Variants in PRRC2C observed in about 807,000 individuals in gnomAD.
PRRC2C encodes the protein proline rich coiled-coil 2C, also known as protein PRRC2C.
A neutral mutation model predicts 317.2 loss-of-function variants in PRRC2C; 72 were observed. That is an observed-to-expected ratio of 0.23 (90% CI 0.19 to 0.28). The LOEUF (loss-of-function observed/expected upper bound fraction) is 0.28, where lower values mean the gene tolerates loss of function less well. Among genes scored for constraint, PRRC2C ranks in the 10% least tolerant of loss-of-function variants. The pLI is 1.00. For missense variants in PRRC2C, 3,074 were observed against 3,459.7 expected (o/e 0.89, Z 2.80); for synonymous variants, 1,296 against 1,205.9 (o/e 1.07, Z -1.55).
intron 11 of PRRC2C, among the ~76,000 whole-genome samples, chr1:171,530,272 A>T (rs1470823460): frequency 1.8e-4 from 20 of 112,722 alleles, no homozygotes; most frequent in African/African-American, 6.7e-4. Context: ...TTTTTTGCGC[A>T]ACAGAGTCTT....
intron 23 of PRRC2C, among the ~76,000 whole-genome samples, chr1:171,570,854 T>G (rs945970005): frequency 1.3e-5 from 2 of 152,210 alleles, no homozygotes; most frequent in Non-Finnish European, 2.9e-5. Context: ...CCTGTAGATA[T>G]ATGGTGAAGG....
chr1:171,585,149 A>G (rs1272021851), intron 30 of PRRC2C, among the ~76,000 whole-genome samples: 1 of 152,122 alleles, frequency 6.6e-6, no homozygotes, highest in East Asian at 1.9e-4. Flanking sequence ...TATTTATTCT[A>G]TTTTAACAAA....
intron 5 of PRRC2C, among the ~76,000 whole-genome samples, chr1:171,516,414 G>C (rs1036014947): frequency 3.9e-5 from 6 of 152,136 alleles, no homozygotes; most frequent in Admixed American, 3.9e-4. Context: ...GGGGAGGTTC[G>C]TCTATGACAG....
At chr1:171,535,974 T>C in intron 13 of PRRC2C, 55 bp from the exon 14 acceptor site, 1 of 1,534,616 alleles carries the variant, frequency 6.5e-7, no homozygotes, top group Non-Finnish European at 8.8e-7. Flanking sequence ...TGATTGATTA[T>C]GTTAATTTGT....
chr1:171,511,866 G>C, intron 1 of PRRC2C, 166 bp from the exon 2 acceptor site: 1 of 381,752 alleles, frequency 2.6e-6, no homozygotes, highest in Admixed American at 4.3e-5. Context: ...ACAAGTGCAT[G>C]ATAGCTTATT....
chr1:171,593,044 T>G lies in PRRC2C; in HGVS notation c.*1197T>G, dbSNP rs1651719891. 6.6e-6 allele frequency: 1 copy of G among 152,022 alleles called. No individual in the cohort carries two copies. The highest frequency in any genetic ancestry group is 6.6e-5 in the Admixed American group (1 of 15,264). The allele number at this position is 152,022 out of a possible 1,614,324, so 9.4% of individuals were successfully genotyped here. On this transcript the variant is annotated 3_prime_UTR_variant, in exon 35 of 35. Transcript: ENST00000647382. ...AGAATGTTTTCTTTCCAGATGATGA[T>G]TCAGAAGCTAATTTTAAAAAACGGT...
Position 171,566,626 on chromosome 1 carries a change from A to G in PRRC2C, c.6341A>G (p.His2114Arg), listed in dbSNP as rs1683716302. 2 of 1,599,184 alleles carry G rather than the reference A, an allele frequency of 1.3e-6. No individual in the cohort carries two copies. Among genetic ancestry groups the G allele is most frequent in the Non-Finnish European group, 1.7e-6 (2 of 1,172,568 alleles). ...PDLSPVENKE[H>R]KPGPIGKERS... is the part of the protein sequence containing the mutation. ...TTGAGTCCAGTAGAAAACAAAGAAC[A>G]CAAACCTGGTCCCATTGGAAAGGAA... The change falls in exon 22 of 35, where the codon CAC (histidine) becomes CGC (arginine). Residue 2114 changes from histidine (H) to arginine (R), a missense_variant. Physicochemically the swap from His to Arg is conservative, Grantham distance 29 (BLOSUM62 0). Transcript: ENST00000647382.
At chr1:171,554,392 G>A (rs549620250) in intron 18 of PRRC2C, among the ~76,000 whole-genome samples, 1 of 152,258 alleles carries the variant, frequency 6.6e-6, no homozygotes, top group East Asian at 1.9e-4. Context: ...CCTGAATACA[G>A]CACATTGATG....
At position 171,557,948 on chromosome 1, in the gene PRRC2C, C is replaced by G. The variant is rs764621480; in HGVS notation, c.5836C>G (p.Leu1946Val). Residue 1946 changes from leucine to valine, a missense_variant, in exon 19 of 35, where the codon CTA becomes GTA. By Grantham distance (32) the Leu-to-Val change is conservative. Coordinates refer to ENST00000647382, the MANE Select transcript of PRRC2C (RefSeq NM_001387844.1). ...GACCCACAAACCAGTCCAGAATCCA[C>G]TACAGACTACATCTCAGTCTTCAAA... Reference protein sequence around the residue: ...AQTHKPVQNPLQTTSQSSKQP... With the variant: ...AQTHKPVQNPVQTTSQSSKQP... The G allele has an allele frequency of 6.2e-7, 1 of 1,605,598 alleles. No individual in the cohort carries two copies. Among genetic ancestry groups the G allele is most frequent in the Non-Finnish European group, 8.5e-7 (1 of 1,176,148 alleles).
intron 20 of PRRC2C, among the ~76,000 whole-genome samples, chr1:171,562,719 CTTA>C (rs997894804): frequency 6.6e-6 from 1 of 152,072 alleles, no homozygotes; most frequent in African/African-American, 2.4e-5. Context: ...ATTTAAGATG[CTTA>C]TTATGCCTCT....
chr1:171,509,029 G>C (rs1184395102), intron 1 of PRRC2C, among the ~76,000 whole-genome samples: 1 of 152,062 alleles, frequency 6.6e-6, no homozygotes, highest in Non-Finnish European at 1.5e-5. Flanking sequence ...TGGGACTACA[G>C]GCACCTGCCA....
rs550999860 is a variant in PRRC2C at position 171,539,956 on chromosome 1, T to C, written c.2505-15T>C. 40 of 1,574,060 alleles carry C rather than the reference T, an allele frequency of 2.5e-5. No individual in the cohort carries two copies. The South Asian group carries it at 4.5e-4, about 18-fold the overall frequency. On this transcript the variant is annotated splice_polypyrimidine_tract_variant and intron_variant, in intron 15 of 34. Transcript: ENST00000647382. ...TTGCTTTGTTGATTATACCTTTGAA[T>C]TCTTATCATCATAGGTCTGAAGCTG...
chr1:171,521,605 T>TCTG (rs72514441), intron 6 of PRRC2C, among the ~76,000 whole-genome samples: 3 of 150,852 alleles, frequency 2.0e-5, no homozygotes, highest in Non-Finnish European at 4.4e-5. Flanking sequence ...GCTGAGTTCT[T>TCTG]CCCCACGCCT....
intron 24 of PRRC2C, among the ~76,000 whole-genome samples, chr1:171,574,345 A>G (rs1000543162): frequency 2.0e-5 from 3 of 152,210 alleles, no homozygotes; most frequent in African/African-American, 4.8e-5. Context: ...GTTGAAAACT[A>G]CTGAATAGTG....
At chr1:171,506,386 G>GAA (rs1670226094) in intron 1 of PRRC2C, among the ~76,000 whole-genome samples, 1 of 152,018 alleles carries the variant, frequency 6.6e-6, no homozygotes, top group African/African-American at 2.4e-5. Context: ...CTTTATCATT[G>GAA]GTTTTAAATA....
chr1:171,511,235 T>C (rs1382198398), intron 1 of PRRC2C: 1 of 152,208 alleles, frequency 6.6e-6, no homozygotes, highest in Non-Finnish European at 1.5e-5. Context: ...GATATGTATC[T>C]ACAACTTAAT....
intron 16 of PRRC2C, among the ~76,000 whole-genome samples, chr1:171,542,535 A>T (rs1481406071): frequency 6.6e-6 from 1 of 152,192 alleles, no homozygotes; most frequent in Admixed American, 6.5e-5. Flanking sequence ...AAGTTATCTG[A>T]TGAGTAGCCC....
chr1:171,557,410 C>T lies in PRRC2C; in HGVS notation c.5298C>T (p.Ala1766=). 1 of 1,547,228 alleles carries T rather than the reference C, an allele frequency of 6.5e-7. No individual in the cohort carries two copies. The highest frequency in any genetic ancestry group is 1.2e-5 in the South Asian group (1 of 83,796). The part of the protein sequence containing the change: ...LPPSTSASVP[A]STSAPLPATL... The stretch of plus-strand genomic sequence containing the variant: ...CTTCAACCTCAGCTTCAGTTCCAGC[C>T]TCAACCTCAGCTCCACTTCCGGCAA... Residue 1766 remains alanine (A), a synonymous_variant, in exon 19 of 35, where the codon GCC becomes GCT. Transcript: ENST00000647382.
At chr1:171,492,357 T>TAAA (rs1484355860) in intron 1 of PRRC2C, among the ~76,000 whole-genome samples, 1 of 152,206 alleles carries the variant, frequency 6.6e-6, no homozygotes, top group East Asian at 1.9e-4. Context: ...ACTGTTATAT[T>TAAA]TATGACAAAC....
Sources: allele counts gnomAD v4.1 joint callset (sites outside exome capture counted in the v4.1 genomes callset), GRCh38; gene constraint gnomAD v4.1.1; transcripts MANE v1.5; gene names NCBI Gene and HGNC (gene_info 2026-07-23, HGNC 2026-07-21).